SVEP1: variants seen among roughly 807,000 people sequenced by gnomAD.
The protein encoded by SVEP1 is sushi, von Willebrand factor type A, EGF and pentraxin domain-containing protein 1.
SVEP1 carries 164 observed loss-of-function variants against 367.3 expected under a neutral mutation model. That is an observed-to-expected ratio of 0.45 (90% CI 0.39 to 0.51). SVEP1 has a LOEUF of 0.51. Ranked by LOEUF, SVEP1 falls within the 20% of genes least tolerant of loss-of-function variation. The probability of loss-of-function intolerance (pLI) is 0.00; values close to 1 mark genes in which losing one functional copy is unlikely to be tolerated. For missense variants in SVEP1, 4,117 were observed against 4,425.3 expected, an observed-to-expected ratio of 0.93 and a Z score of 1.98; for synonymous variants, 1,666 against 1,611.6, an observed-to-expected ratio of 1.03 and a Z score of -0.81.
At chr9:110,385,776 T>C in intron 43 of SVEP1, 122 bp downstream of exon 43, 1 of 1,026,966 alleles carries the variant, frequency 9.7e-7, no homozygotes. Context: ...AGGAAGATGA[T>C]AACTGTGATA....
intron 1 of SVEP1, among the ~76,000 whole-genome samples, chr9:110,559,856 C>T (rs373108625): frequency 1.3e-5 from 2 of 152,030 alleles, no homozygotes; most frequent in Non-Finnish European, 2.9e-5. Context: ...ATAGGGTAAT[C>T]ACATAATATT....
intron 46 of SVEP1, among the ~76,000 whole-genome samples, chr9:110,374,209 C>T (rs575824047): frequency 6.6e-6 from 1 of 152,210 alleles, no homozygotes; most frequent in Non-Finnish European, 1.5e-5. Flanking sequence ...TTTACGTGTT[C>T]CCATCATTTA....
intron 13 of SVEP1, among the ~76,000 whole-genome samples, chr9:110,479,389 A>T (rs1165753634): frequency 6.6e-6 from 1 of 152,306 alleles, no homozygotes; most frequent in African/African-American, 2.4e-5. Context: ...GCATTCTCCA[A>T]CCATCCAGAC....
chr9:110,562,535 T>G (rs1409118872), intron 1 of SVEP1, among the ~76,000 whole-genome samples: 1 of 152,110 alleles, frequency 6.6e-6, no homozygotes, highest in East Asian at 1.9e-4. Context: ...TATTTGGACA[T>G]CAGTGTATGA....
At position 110,408,453 on chromosome 9, in the gene SVEP1, G is replaced by T; in HGVS notation, c.7147C>A (p.Pro2383Thr). The change falls in exon 38 of 48, where the codon CCA (proline) becomes ACA (threonine). Residue 2383 changes from proline to threonine, a missense_variant. Physicochemically the swap from Pro to Thr is conservative, Grantham distance 38. This residue lies in a region of SVEP1 where 1,765 missense variants were observed against 1,781.1 expected (regional missense o/e 0.99). Transcript: ENST00000374469. Reference protein sequence around the residue: ...FPVCKIVLCTPPPLISFGVPI... With the variant: ...FPVCKIVLCTTPPLISFGVPI... ...ACACCAAAGGAAATTAGGGGAGGTG[G>T]GGTACAAAGAACAATCTTACAAACA... 1.2e-6 allele frequency: 2 copies of T among 1,613,934 alleles called. No homozygotes were observed. Among genetic ancestry groups the T allele is most frequent in the Non-Finnish European group, 1.7e-6 (2 of 1,179,874 alleles).
intron 3 of SVEP1, among the ~76,000 whole-genome samples, chr9:110,525,724 G>A (rs562573913): frequency 2.0e-5 from 3 of 151,358 alleles, no homozygotes; most frequent in Non-Finnish European, 4.4e-5. Context: ...CAGAACAGAA[G>A]AGCAATCCAG....
chr9:110,366,964 A>G (rs1260641557), intron 47 of SVEP1, among the ~76,000 whole-genome samples: 1 of 152,238 alleles, frequency 6.6e-6, no homozygotes, highest in Non-Finnish European at 1.5e-5. Context: ...AGGAAACACA[A>G]TTTCCTTCTG....
chr9:110,367,341 T>C (rs572543300), intron 47 of SVEP1, among the ~76,000 whole-genome samples: 1 of 152,212 alleles, frequency 6.6e-6, no homozygotes, highest in South Asian at 2.1e-4. Context: ...TCTGGGTATT[T>C]TTTGTAGAGA....
At chr9:110,527,894 C>T (rs1829960920) in intron 3 of SVEP1, among the ~76,000 whole-genome samples, 1 of 151,634 alleles carries the variant, frequency 6.6e-6, no homozygotes, top group Non-Finnish European at 1.5e-5. Context: ...GTCCATTATA[C>T]CATACTGTAT....
At chr9:110,396,792 G>C (rs1401458117) in intron 40 of SVEP1, among the ~76,000 whole-genome samples, 1 of 152,076 alleles carries the variant, frequency 6.6e-6, no homozygotes, top group Non-Finnish European at 1.5e-5. Flanking sequence ...GACTAAACCA[G>C]GAAGTAGTTG....
Position 110,366,549 on chromosome 9 carries a change from GTCC to G in SVEP1, c.10703_10705del (p.Arg3568del). ...ATGGTCGTGCAGTGGTTAAAACCCA[GTCC>G]TCCTTTTCCTGGAAAAAAAAAAAAA... On this transcript the variant is annotated inframe_deletion, in exon 48 of 48. Coordinates refer to ENST00000374469, the MANE Select transcript of SVEP1 (RefSeq NM_153366.4). 1 of 1,546,054 alleles carries G rather than the reference GTCC, an allele frequency of 6.5e-7. No individual in the cohort carries two copies. The highest frequency in any genetic ancestry group is 8.7e-7 in the Non-Finnish European group (1 of 1,150,604).
Position 110,406,275 on chromosome 9 carries a change from C to T in SVEP1, c.9325G>A (p.Val3109Ile). 6.2e-7 allele frequency: 1 copy of T among 1,614,036 alleles called. No individual in the cohort carries two copies. Among genetic ancestry groups the T allele is most frequent in the East Asian group, 2.2e-5 (1 of 44,892 alleles). ...SSDLICTEKG[V>I]WSQPYPVCEP... is the part of the protein sequence containing the mutation. Reference sequence around the variant, plus strand: ...CAGACTGGATAAGGCTGGCTCCATACCCCTTTCTCTGTACAAATCAGATCT... The same window carrying T: ...CAGACTGGATAAGGCTGGCTCCATATCCCTTTCTCTGTACAAATCAGATCT... Residue 3109 changes from valine to isoleucine, a missense_variant, in exon 38 of 48, where the codon GTA (valine) becomes ATA (isoleucine). Physicochemically the swap from Val to Ile is conservative, Grantham distance 29. Around this residue, in one of 4 missense-constraint regions of SVEP1, gnomAD observed 1,765 missense variants for 1,781.1 expected, o/e 0.99. Transcript: ENST00000374469.
intron 3 of SVEP1, among the ~76,000 whole-genome samples, chr9:110,518,481 T>C (rs1829837812): frequency 6.6e-6 from 1 of 152,056 alleles, no homozygotes; most frequent in South Asian, 2.1e-4. Context: ...AAATCATATA[T>C]TTTGTTTGTT....
intron 43 of SVEP1, among the ~76,000 whole-genome samples, chr9:110,380,984 GAT>G (rs1827425488): frequency 6.6e-6 from 1 of 152,136 alleles, no homozygotes; most frequent in Non-Finnish European, 1.5e-5. Flanking sequence ...ATTTCTTCTA[GAT>G]TTTCTAGTTT....
chr9:110,382,481 T>G (rs549844024), intron 43 of SVEP1, among the ~76,000 whole-genome samples: 6 of 152,334 alleles, frequency 3.9e-5, no homozygotes, highest in African/African-American at 1.4e-4. Context: ...GGACTTTCTC[T>G]CTGGCTGCCC....
At chr9:110,494,681 T>C (rs1434219394) in intron 8 of SVEP1, among the ~76,000 whole-genome samples, 7 of 152,212 alleles carry the variant, frequency 4.6e-5, no homozygotes, top group Non-Finnish European at 2.9e-5. Flanking sequence ...CATGACAGCA[T>C]CGTGAGTTCT....
intron 3 of SVEP1, among the ~76,000 whole-genome samples, chr9:110,525,022 T>C (rs1248287635): frequency 6.6e-6 from 1 of 152,156 alleles, no homozygotes; most frequent in Non-Finnish European, 1.5e-5. Context: ...TTCTTAATAA[T>C]GAAAGTCCAA....
chr9:110,535,724 C>A (rs1830070865), intron 3 of SVEP1, among the ~76,000 whole-genome samples: 1 of 151,976 alleles, frequency 6.6e-6, no homozygotes. Flanking sequence ...GATCTTTCAC[C>A]TCCCTGGTTA....
In SVEP1 at chr9:110,550,002, G is replaced by A; in HGVS notation, c.634C>T (p.Arg212Ter). Residue 212 changes from arginine (R) to a stop codon, truncating the protein, a stop_gained, in exon 2 of 48, where the codon CGA becomes TGA. Transcript: ENST00000374469. LOFTEE classifies it high-confidence loss of function. ...GDPRPIAASL[R>*]DSGVEIFTFG... ...GTGAAGATCTCCACTCCTGAATCTC[G>A]CAGTGACGCTGCAATTGGTCTAGGG... The A allele has an allele frequency of 6.2e-7, 1 of 1,613,732 alleles. No homozygotes were observed. The highest frequency in any genetic ancestry group is 8.5e-7 in the Non-Finnish European group (1 of 1,179,842).
Sources: gnomAD v4.1 joint callset for allele counts (sites outside exome capture counted in the v4.1 genomes callset) on GRCh38, gnomAD v4.1.1 for gene constraint, gnomAD v4.1.1 regional missense constraint, MANE v1.5 for transcripts, NCBI Gene and HGNC (gene_info 2026-07-23, HGNC 2026-07-21) for gene names.